The following SLCO2A1 variants were observed in gnomAD, a reference collection of about 807,000 sequenced individuals.
SLCO2A1 encodes the protein matrin F/G 1.
Under a neutral mutation model 71.7 loss-of-function variants are expected in SLCO2A1, and 60 were observed. The ratio of observed to expected loss-of-function variants is 0.84; its 90% confidence interval spans 0.68 to 1.04. The LOEUF (loss-of-function observed/expected upper bound fraction) is 1.04. Among genes scored for constraint, SLCO2A1 ranks in the 50% least tolerant of loss-of-function variants. The pLI is 0.00. For synonymous variants in SLCO2A1, 308 were observed against 326.7 expected, an observed-to-expected ratio of 0.94 and a Z score of 0.62; for missense variants, 745 against 813.4, an observed-to-expected ratio of 0.92 and a Z score of 1.02.
chr3:134,000,732 C>G (rs141322263), intron 1 of SLCO2A1, among the ~76,000 whole-genome samples: 1 of 152,178 alleles, frequency 6.6e-6, no homozygotes, highest in African/African-American at 2.4e-5. Context: ...GCAACCCAGT[C>G]GCAACATTTG....
At chr3:133,961,109 G>A (rs558983728) in intron 3 of SLCO2A1, among the ~76,000 whole-genome samples, 2 of 152,220 alleles carry the variant, frequency 1.3e-5, no homozygotes, top group South Asian at 4.2e-4. Flanking sequence ...TGAAAATCAT[G>A]AGGGGTCAGT....
At chr3:134,022,419 T>C (rs1935608159) in intron 1 of SLCO2A1, among the ~76,000 whole-genome samples, 1 of 152,042 alleles carries the variant, frequency 6.6e-6, no homozygotes, top group Non-Finnish European at 1.5e-5. Flanking sequence ...ATTAAAAAGT[T>C]AAAAAAAATT....
intron 1 of SLCO2A1, among the ~76,000 whole-genome samples, chr3:134,020,431 G>A (rs1467976364): frequency 2.0e-5 from 3 of 152,210 alleles, no homozygotes; most frequent in South Asian, 2.1e-4. Context: ...ATCTCGGCGG[G>A]GGACTCCAAC....
intron 11 of SLCO2A1, among the ~76,000 whole-genome samples, chr3:133,939,642 G>A (rs1239878413): frequency 6.6e-6 from 1 of 152,212 alleles, no homozygotes; most frequent in East Asian, 1.9e-4. Flanking sequence ...ACAATGCAAA[G>A]TGTCTCAAAT....
At chr3:134,027,844 G>GT (rs1199352248) in intron 1 of SLCO2A1, among the ~76,000 whole-genome samples, 1 of 152,176 alleles carries the variant, frequency 6.6e-6, no homozygotes. Flanking sequence ...ATCCAACCTC[G>GT]TACCTGGTTT....
rs73861265 is a variant in SLCO2A1, at chr3:133,939,672, C to T, written c.1626-1179G>A. 2.0e-3 allele frequency among the ~76,000 whole-genome samples: 307 copies of T among 152,314 alleles called. 1 individual carries two copies. The highest frequency in any genetic ancestry group is 7.1e-3 in the African/African-American group (296 of 41,572). Reference sequence around the variant, plus strand: ...TCAAATCCTGTTGTGTCTACAGATCCCTCCAGTGGTCCAGTTCATAATAGA... The same window carrying T: ...TCAAATCCTGTTGTGTCTACAGATCTCTCCAGTGGTCCAGTTCATAATAGA... On this transcript the variant is annotated intron_variant, in intron 11 of 13. Transcript: ENST00000310926.
Position 133,951,227 on chromosome 3 carries a change from G to T in SLCO2A1, c.842C>A (p.Ala281Glu). 2 of 1,614,078 alleles carry T rather than the reference G, an allele frequency of 1.2e-6. No individual in the cohort carries two copies. Residue 281 changes from alanine (A) to glutamate (E), a missense_variant, in exon 6 of 14, where the codon GCA becomes GAA. Transcript: ENST00000310926. ...CCTTACCTTTGCTCCTATGGGCATT[G>T]CTCGAGGGAAGAAAAAAAAGGGGAA... ...TSFPFFFFPR[A>E]MPIGAKRAPA...
chr3:133,965,145 C>T (rs1297206815), intron 3 of SLCO2A1, among the ~76,000 whole-genome samples: 2 of 152,180 alleles, frequency 1.3e-5, no homozygotes, highest in East Asian at 1.9e-4. Flanking sequence ...AAACCGTTAG[C>T]GGAGCCAACA....
chr3:133,934,867 G>A (rs1324064221), intron 13 of SLCO2A1, 37 bp from the exon 14 acceptor site: 1 of 1,536,830 alleles, frequency 6.5e-7, no homozygotes, highest in Non-Finnish European at 8.9e-7. Flanking sequence ...TGAGGGAGGG[G>A]GCTCTGCAGC....
At chr3:134,008,082 C>T (rs530241518) in intron 1 of SLCO2A1, among the ~76,000 whole-genome samples, 10 of 152,298 alleles carry the variant, frequency 6.6e-5, no homozygotes, top group South Asian at 2.1e-4. Context: ...AAGATAGGGA[C>T]CTTGTCTGAT....
chr3:133,936,752 T>C (rs1026084431), intron 12 of SLCO2A1, among the ~76,000 whole-genome samples: 3 of 152,038 alleles, frequency 2.0e-5, no homozygotes. Context: ...AGACAGACAA[T>C]GCTCCACTTG....
At chr3:133,962,057 T>A (rs1048490564) in intron 3 of SLCO2A1, among the ~76,000 whole-genome samples, 1 of 151,954 alleles carries the variant, frequency 6.6e-6, no homozygotes, top group African/African-American at 2.4e-5. Context: ...CAGAATAGAG[T>A]CTTCTAGAAT....
chr3:134,023,543 A>C (rs1935639102), intron 1 of SLCO2A1, among the ~76,000 whole-genome samples: 1 of 152,162 alleles, frequency 6.6e-6, no homozygotes, highest in African/African-American at 2.4e-5. Flanking sequence ...TTGCCCCCCG[A>C]TGTAGAGCTT....
intron 3 of SLCO2A1, among the ~76,000 whole-genome samples, chr3:133,962,391 A>T (rs974447779): frequency 1.3e-5 from 2 of 152,164 alleles, no homozygotes; most frequent in Middle Eastern, 3.2e-3. Flanking sequence ...AGTCTTCTAG[A>T]ATTTAGAACA....
chr3:134,026,627 A>G (rs931568393), intron 1 of SLCO2A1, among the ~76,000 whole-genome samples: 7 of 152,164 alleles, frequency 4.6e-5, no homozygotes, highest in Admixed American at 3.3e-4. Flanking sequence ...GATCAACTGA[A>G]TCATACGGTT....
intron 1 of SLCO2A1, among the ~76,000 whole-genome samples, chr3:133,983,994 G>T (rs543667341): frequency 1.1e-4 from 17 of 152,262 alleles, no homozygotes; most frequent in Admixed American, 7.2e-4. Context: ...TGGAAACGGG[G>T]GATCCAGAAG....
At chr3:133,938,178 C>G (rs1337100069) in intron 12 of SLCO2A1, among the ~76,000 whole-genome samples, 1 of 152,182 alleles carries the variant, frequency 6.6e-6, no homozygotes, top group East Asian at 1.9e-4. Flanking sequence ...TAGGTATTCT[C>G]AGCTGTGTTC....
chr3:133,950,349 G>A (rs531834471), intron 6 of SLCO2A1, among the ~76,000 whole-genome samples: 24 of 152,172 alleles, frequency 1.6e-4, no homozygotes, highest in African/African-American at 5.8e-4. Context: ...GGGACTTGAA[G>A]CCTAGGCATA....
chr3:133,949,227 A>T, intron 6 of SLCO2A1: 1 of 503,342 alleles, frequency 2.0e-6, no homozygotes, highest in South Asian at 2.3e-5. Flanking sequence ...TGGGCATATC[A>T]TTTCATATCT....
Sources: allele counts gnomAD v4.1 joint callset (sites outside exome capture counted in the v4.1 genomes callset), GRCh38; gene constraint gnomAD v4.1.1; transcripts MANE v1.5; gene names NCBI Gene and HGNC (gene_info 2026-07-23, HGNC 2026-07-21).